Variants in PRKD1 observed in about 807,000 individuals in gnomAD.
PRKD1 encodes the protein serine/threonine-protein kinase D1.
A neutral mutation model predicts 95.9 loss-of-function variants in PRKD1; 63 were observed. The ratio of observed to expected loss-of-function variants is 0.66; its 90% CI spans 0.54 to 0.81. The LOEUF is 0.81. PRKD1 is among the 30% of genes least tolerant of loss of function. The pLI, the probability that PRKD1 is intolerant of heterozygous loss-of-function variation, is 0.00. For missense variants in PRKD1, 1,048 were observed against 1,165.3 expected (o/e 0.90, Z 1.47); for synonymous variants, 425 against 423.1 (o/e 1.00, Z -0.05).
At chr14:29,723,624 C>G (rs945996752) in intron 2 of PRKD1, among the ~76,000 whole-genome samples, 1 of 151,416 alleles carries the variant, frequency 6.6e-6, no homozygotes, top group East Asian at 1.9e-4. Flanking sequence ...GTACTGCTGT[C>G]GATGGTTATA....
intron 13 of PRKD1, among the ~76,000 whole-genome samples, chr14:29,614,710 T>C (rs1878727081): frequency 6.6e-6 from 1 of 152,062 alleles, no homozygotes; most frequent in African/African-American, 2.4e-5. Context: ...CATATATTTT[T>C]TTTTTTGAGA....
chr14:29,749,800 C>A (rs1887393923), intron 1 of PRKD1, among the ~76,000 whole-genome samples: 1 of 151,850 alleles, frequency 6.6e-6, no homozygotes, highest in South Asian at 2.1e-4. Flanking sequence ...TAGATAAAAC[C>A]CTATACCTCC....
intron 1 of PRKD1, among the ~76,000 whole-genome samples, chr14:29,823,503 G>A (rs1890997292): frequency 6.6e-6 from 1 of 152,118 alleles, no homozygotes; most frequent in Non-Finnish European, 1.5e-5. Flanking sequence ...CCTGGGTCCT[G>A]ACCCCATTGA....
intron 1 of PRKD1, among the ~76,000 whole-genome samples, chr14:29,844,591 G>A (rs1023922812): frequency 6.6e-6 from 1 of 152,034 alleles, no homozygotes; most frequent in Non-Finnish European, 1.5e-5. Flanking sequence ...ACTCTATGTG[G>A]GTTTGTGGGT....
intron 2 of PRKD1, among the ~76,000 whole-genome samples, chr14:29,718,899 T>C (rs1188231544): frequency 1.3e-5 from 2 of 152,154 alleles, no homozygotes; most frequent in African/African-American, 2.4e-5. Context: ...AATACAGTGA[T>C]TTACTATATC....
chr14:29,655,594 A>G (rs1442975226), intron 4 of PRKD1, among the ~76,000 whole-genome samples: 2 of 152,182 alleles, frequency 1.3e-5, no homozygotes, highest in East Asian at 3.9e-4. Context: ...AAAACAAACC[A>G]TCACAAGAAG....
At chr14:29,803,385 A>AT (rs1159467367) in intron 1 of PRKD1, among the ~76,000 whole-genome samples, 2 of 152,134 alleles carry the variant, frequency 1.3e-5, no homozygotes, top group Non-Finnish European at 2.9e-5. Flanking sequence ...TTGGGAAATG[A>AT]TTTTTTTGTT....
intron 1 of PRKD1, among the ~76,000 whole-genome samples, chr14:29,787,655 A>G (rs1406866397): frequency 6.6e-6 from 1 of 152,036 alleles, no homozygotes; most frequent in African/African-American, 2.4e-5. Context: ...CTACTCTTGC[A>G]CACTTTTGAT....
intron 4 of PRKD1, among the ~76,000 whole-genome samples, chr14:29,642,279 TAATA>T (rs1880834868): frequency 6.6e-6 from 1 of 152,216 alleles, no homozygotes; most frequent in African/African-American, 2.4e-5. Context: ...ATTTTGTCAT[TAATA>T]ATTAATAATC....
At chr14:29,840,264 G>A (rs1378440528) in intron 1 of PRKD1, among the ~76,000 whole-genome samples, 1 of 152,134 alleles carries the variant, frequency 6.6e-6, no homozygotes, top group Admixed American at 6.5e-5. Context: ...CCAGGGCAGG[G>A]CAAAATGCTA....
At chr14:29,667,738 C>T (rs1882604715) in intron 2 of PRKD1, among the ~76,000 whole-genome samples, 1 of 152,102 alleles carries the variant, frequency 6.6e-6, no homozygotes, top group African/African-American at 2.4e-5. Flanking sequence ...CCCCTCCAGA[C>T]CAAACAACTA....
At chr14:29,893,498 TG>T (rs1277563077) in intron 1 of PRKD1, among the ~76,000 whole-genome samples, 1 of 152,140 alleles carries the variant, frequency 6.6e-6, no homozygotes, top group African/African-American at 2.4e-5. Flanking sequence ...TATTTCCACT[TG>T]TTAAACGTAT....
chr14:29,689,390 A>C (rs1884096679), intron 2 of PRKD1, among the ~76,000 whole-genome samples: 1 of 152,218 alleles, frequency 6.6e-6, no homozygotes, highest in South Asian at 2.1e-4. Flanking sequence ...GAGAAATACA[A>C]ATCAAAATCT....
chr14:29,657,262 T>C (rs1881910428), intron 4 of PRKD1: 1 of 152,212 alleles, frequency 6.6e-6, no homozygotes, highest in Non-Finnish European at 1.5e-5. Flanking sequence ...GTAATTTATA[T>C]TGAATATGTT....
chr14:29,744,262 G>A (rs759908586), intron 1 of PRKD1, among the ~76,000 whole-genome samples: 2 of 152,110 alleles, frequency 1.3e-5, no homozygotes, highest in Non-Finnish European at 2.9e-5. Context: ...TTGCTGCTCC[G>A]CATCTCAAGA....
chr14:29,592,915 A>T (rs1893181062), intron 16 of PRKD1, among the ~76,000 whole-genome samples: 1 of 152,200 alleles, frequency 6.6e-6, no homozygotes, highest in Non-Finnish European at 1.5e-5. Context: ...CATTTTAAAA[A>T]TTTAATGTGA....
At chr14:29,782,940 T>A (rs1889114624) in intron 1 of PRKD1, among the ~76,000 whole-genome samples, 1 of 152,242 alleles carries the variant, frequency 6.6e-6, no homozygotes, top group South Asian at 2.1e-4. Context: ...GCATGCAATT[T>A]GTATTGATCA....
At chr14:29,827,608 G>T (rs1450677717) in intron 1 of PRKD1, among the ~76,000 whole-genome samples, 1 of 152,080 alleles carries the variant, frequency 6.6e-6, no homozygotes, top group Non-Finnish European at 1.5e-5. Context: ...CAGGCTTACT[G>T]AATCAAAATT....
intron 1 of PRKD1, among the ~76,000 whole-genome samples, chr14:29,887,500 T>C (rs972876589): frequency 7.9e-5 from 12 of 152,184 alleles, no homozygotes; most frequent in Non-Finnish European, 1.0e-4. Flanking sequence ...AGCACTAATC[T>C]ATAGAAGAAA....
Sources: gnomAD v4.1 joint callset for allele counts (sites outside exome capture counted in the v4.1 genomes callset) on GRCh38, gnomAD v4.1.1 for gene constraint, MANE v1.5 for transcripts, NCBI Gene and HGNC (gene_info 2026-07-23, HGNC 2026-07-21) for gene names.